DCK: variants seen among roughly 807,000 people sequenced by gnomAD.
DCK encodes deoxycytidine kinase.
Under a neutral mutation model 38.3 loss-of-function variants are expected in DCK, and 23 were observed. That is an observed-to-expected ratio of 0.60 (90% CI 0.43 to 0.85). DCK has a LOEUF of 0.85. Among genes scored for constraint, DCK ranks in the 40% least tolerant of loss-of-function variants. DCK has a pLI of 0.00. For synonymous variants in DCK, 108 were observed against 100.6 expected (o/e 1.07, Z -0.44); for missense variants, 259 against 304.4 (o/e 0.85, Z 1.11).
chr4:71,011,232 CTTTTTTTTTTTTTTT>C (rs11322673), intron 2 of DCK, among the ~76,000 whole-genome samples: 1 of 93,022 alleles, frequency 1.1e-5, no homozygotes, highest in Non-Finnish European at 2.1e-5. Context: ...TGTGAGGTCT[CTTTTTTTTTTTTTTT>C]TTTTTTTTTA....
chr4:71,026,611 T>C, intron 5 of DCK, 54 bp from the exon 6 acceptor site: 1 of 871,486 alleles, frequency 1.1e-6, no homozygotes, highest in Non-Finnish European at 1.9e-6. Context: ...TTAATGTTTC[T>C]CTCTTTTTTT....
intron 2 of DCK, among the ~76,000 whole-genome samples, chr4:71,011,581 C>T (rs1380967184): frequency 1.3e-5 from 2 of 152,130 alleles, no homozygotes; most frequent in Non-Finnish European, 2.9e-5. Flanking sequence ...TTGTCTCAAA[C>T]TCCTGGGATC....
Position 70,998,064 on chromosome 4 carries a change from C to G in DCK, c.92-3C>G, listed in dbSNP as rs748587788. Reference sequence around the variant, plus strand: ...TCCTCAATTTTATCTTTCCTCACAACAGCTGCAGGGAAGTCAACATTTGTG... The same window carrying G: ...TCCTCAATTTTATCTTTCCTCACAAGAGCTGCAGGGAAGTCAACATTTGTG... On this transcript the variant is annotated splice_polypyrimidine_tract_variant and splice_region_variant and intron_variant, in intron 1 of 6. Coordinates refer to ENST00000286648, the MANE Select transcript of DCK (RefSeq NM_000788.3). 3 of 1,497,326 alleles carry G rather than the reference C, an allele frequency of 2.0e-6. No individual in the cohort carries two copies. The highest frequency in any genetic ancestry group is 3.7e-5 in the Admixed American group (2 of 53,942). 92.8% of individuals were successfully genotyped at this position (1,497,326 alleles called of 1,614,324 possible).
At chr4:71,007,039 T>C (rs1403246135) in intron 2 of DCK, among the ~76,000 whole-genome samples, 1 of 152,188 alleles carries the variant, frequency 6.6e-6, no homozygotes, top group Non-Finnish European at 1.5e-5. Context: ...TATATGGTTT[T>C]GAATAACCAA....
chr4:71,000,668 C>A (rs949022058), intron 2 of DCK, among the ~76,000 whole-genome samples: 10 of 152,122 alleles, frequency 6.6e-5, no homozygotes, highest in Non-Finnish European at 1.5e-4. Context: ...GAATGTTTTA[C>A]CATTTGTTTG....
intron 2 of DCK, among the ~76,000 whole-genome samples, chr4:71,001,776 G>T (rs1218238117): frequency 2.6e-5 from 4 of 152,270 alleles, no homozygotes; most frequent in Middle Eastern, 6.8e-3. Context: ...TTGCGTGGAG[G>T]TGTTTATAGT....
chr4:70,996,011 G>T (rs1456774507), intron 1 of DCK, among the ~76,000 whole-genome samples: 1 of 152,032 alleles, frequency 6.6e-6, no homozygotes, highest in Non-Finnish European at 1.5e-5. Flanking sequence ...TTTGAGACTA[G>T]CATGGCAACA....
At chr4:71,018,370 C>T (rs1407144419) in intron 2 of DCK, among the ~76,000 whole-genome samples, 1 of 152,016 alleles carries the variant, frequency 6.6e-6, no homozygotes, top group African/African-American at 2.4e-5. Context: ...CCTTGTGATC[C>T]ACCCGCCTTG....
chr4:71,011,143 A>G (rs903829547), intron 2 of DCK, among the ~76,000 whole-genome samples: 1 of 150,724 alleles, frequency 6.6e-6, no homozygotes, highest in East Asian at 1.9e-4. Flanking sequence ...GGGTTTCACC[A>G]TGTTGGCCAG....
At chr4:71,006,637 G>A (rs528339820) in intron 2 of DCK, among the ~76,000 whole-genome samples, 7 of 152,108 alleles carry the variant, frequency 4.6e-5, no homozygotes, top group Non-Finnish European at 8.8e-5. Context: ...GGGTGACCCC[G>A]TCTCTACAAA....
rs72552071 is a variant in DCK, at chr4:70,995,036, C to T, written c.91+1110C>T. 9.7e-3 allele frequency among the ~76,000 whole-genome samples: 1,476 copies of T among 152,292 alleles called. 34 individuals carry two copies. The highest frequency in any genetic ancestry group is 0.034 in the African/African-American group (1,417 of 41,546). ...TAAAATTCTTACCACATTCAAAGCA[C>T]TGTACCTTCTTGAAAAAGGCCAGGC... On this transcript the variant is annotated intron_variant, in intron 1 of 6. Coordinates refer to ENST00000286648, the MANE Select transcript of DCK (RefSeq NM_000788.3).
intron 2 of DCK, among the ~76,000 whole-genome samples, chr4:71,001,105 G>T (rs1440494021): frequency 6.6e-6 from 1 of 152,120 alleles, no homozygotes; most frequent in Non-Finnish European, 1.5e-5. Context: ...TTTTTGAAGG[G>T]AATGGTATCG....
At chr4:71,017,591 A>G (rs1467988216) in intron 2 of DCK, among the ~76,000 whole-genome samples, 1 of 152,122 alleles carries the variant, frequency 6.6e-6, no homozygotes, top group African/African-American at 2.4e-5. Context: ...ATGGAATACT[A>G]TGCAGCCATA....
intron 2 of DCK, among the ~76,000 whole-genome samples, chr4:71,006,583 G>A (rs1208470450): frequency 6.6e-6 from 1 of 152,150 alleles, no homozygotes; most frequent in Non-Finnish European, 1.5e-5. Flanking sequence ...TGAGGCCAGA[G>A]GATCGCTTGA....
chr4:70,998,329 A>G (rs979076335), intron 2 of DCK, 147 bp downstream of exon 2: 14 of 456,188 alleles, frequency 3.1e-5, no homozygotes, highest in African/African-American at 2.8e-4. Context: ...ACATGGATAT[A>G]TATACAGTTG....
chr4:71,020,760 AATT>A (rs1740394086), intron 2 of DCK, among the ~76,000 whole-genome samples: 1 of 152,052 alleles, frequency 6.6e-6, no homozygotes, highest in African/African-American at 2.4e-5. Context: ...TCGATGTTCA[AATT>A]ATTCTTTCTT....
intron 1 of DCK, among the ~76,000 whole-genome samples, chr4:70,995,087 G>A (rs1473719391): frequency 1.3e-5 from 2 of 152,138 alleles, no homozygotes; most frequent in African/African-American, 4.8e-5. Context: ...GCATTCAAAT[G>A]AATAGAAAAA....
At chr4:71,012,261 T>C (rs965583920) in intron 2 of DCK, among the ~76,000 whole-genome samples, 1 of 152,080 alleles carries the variant, frequency 6.6e-6, no homozygotes, top group African/African-American at 2.4e-5. Context: ...GTAAACAAAG[T>C]GGGCTGGAAG....
chr4:71,015,395 T>C (rs1337553595), intron 2 of DCK, among the ~76,000 whole-genome samples: 1 of 152,028 alleles, frequency 6.6e-6, no homozygotes, highest in South Asian at 2.1e-4. Context: ...ACTATTCCAA[T>C]CAATAGAAAA....
Sources: allele counts gnomAD v4.1 joint callset (sites outside exome capture counted in the v4.1 genomes callset), GRCh38; gene constraint gnomAD v4.1.1; transcripts MANE v1.5; gene names NCBI Gene and HGNC (gene_info 2026-07-23, HGNC 2026-07-21).